CSMD1: variants seen among roughly 807,000 people sequenced by gnomAD.
CSMD1 encodes CUB and Sushi multiple domains 1.
Under a neutral mutation model 417.5 loss-of-function variants are expected in CSMD1, and 213 were observed. The ratio of observed to expected loss-of-function variants is 0.51; its 90% CI spans 0.46 to 0.57. The LOEUF is 0.57. Ranked by LOEUF, CSMD1 falls within the 20% of genes least tolerant of loss-of-function variation. The pLI is 0.00. For synonymous variants in CSMD1, 2,862 were observed against 1,736.8 expected (o/e 1.65, Z -16.11); for missense variants, 6,923 against 4,529.7 (o/e 1.53, Z -15.17).
chr8:4,494,839 G>C (rs1585163925), intron 2 of CSMD1, among the ~76,000 whole-genome samples: 3 of 152,228 alleles, frequency 2.0e-5, no homozygotes, highest in Middle Eastern at 3.4e-3. Flanking sequence ...AGAAAATAGA[G>C]TCAGGGTAGG....
At chr8:4,247,107 C>T (rs548668088) in intron 3 of CSMD1, among the ~76,000 whole-genome samples, 121 of 152,242 alleles carry the variant, frequency 7.9e-4, no homozygotes, top group African/African-American at 2.8e-3. Flanking sequence ...GTGAAGAAAA[C>T]GCCAATAAAA....
chr8:4,955,095 C>T (rs2117302647), intron 1 of CSMD1, among the ~76,000 whole-genome samples: 1 of 152,268 alleles, frequency 6.6e-6, no homozygotes, highest in Non-Finnish European at 1.5e-5. Flanking sequence ...ATCGCTTCAG[C>T]ATCACAGAAA....
intron 1 of CSMD1, among the ~76,000 whole-genome samples, chr8:4,654,061 G>C (rs1181193612): frequency 6.6e-6 from 1 of 152,038 alleles, no homozygotes; most frequent in African/African-American, 2.4e-5. Flanking sequence ...ACTTCTCAAA[G>C]CCCCATAATG....
chr8:3,405,812 G>T (rs1016871967), intron 15 of CSMD1, among the ~76,000 whole-genome samples: 1 of 152,176 alleles, frequency 6.6e-6, no homozygotes, highest in Non-Finnish European at 1.5e-5. Flanking sequence ...CTCCCTCAGA[G>T]TTCCAGAAGG....
rs558468851 is a variant in CSMD1 at position 4,046,623 on chromosome 8, T to A, written c.416-14524A>T. On this transcript the variant is annotated intron_variant, in intron 3 of 69. Transcript: ENST00000635120. ...CTGTTGATTGTTGAGTCTTGATAAT[T>A]CCATCATAACAAACAACAAGTGTGC... Among the ~76,000 whole-genome samples the A allele has an allele frequency of 2.6e-5, 4 of 152,020 alleles. No individual in the cohort carries two copies. The South Asian group carries it at 6.2e-4, about 24-fold the overall frequency.
chr8:4,208,753 G>C (rs1421573141), intron 3 of CSMD1, among the ~76,000 whole-genome samples: 2 of 152,172 alleles, frequency 1.3e-5, no homozygotes, highest in African/African-American at 2.4e-5. Flanking sequence ...AGAATATATT[G>C]TCGTGGAAAT....
chr8:4,460,012 C>T (rs956935524), intron 2 of CSMD1, among the ~76,000 whole-genome samples: 2 of 152,102 alleles, frequency 1.3e-5, no homozygotes. Context: ...TACTATAAAC[C>T]AACTGGAATG....
intron 1 of CSMD1, among the ~76,000 whole-genome samples, chr8:4,776,648 G>T (rs566058194): frequency 2.0e-5 from 3 of 152,154 alleles, no homozygotes; most frequent in Non-Finnish European, 2.9e-5. Context: ...TAGGGGGGTT[G>T]TGAACTGACA....
At chr8:4,753,798 T>A (rs894582508) in intron 1 of CSMD1, among the ~76,000 whole-genome samples, 1 of 152,212 alleles carries the variant, frequency 6.6e-6, no homozygotes, top group African/African-American at 2.4e-5. Context: ...TGCCTCCTCC[T>A]TTACTCCATC....
intron 5 of CSMD1, among the ~76,000 whole-genome samples, chr8:3,801,490 T>C (rs148625511): frequency 1.8e-4 from 27 of 152,294 alleles, no homozygotes; most frequent in African/African-American, 6.3e-4. Context: ...GGCAAGGATG[T>C]AGAGAATTGG....
At chr8:3,468,534 A>C (rs1387453567) in intron 12 of CSMD1, among the ~76,000 whole-genome samples, 178 bp downstream of exon 12, 1 of 152,170 alleles carries the variant, frequency 6.6e-6, no homozygotes, top group African/African-American at 2.4e-5. Context: ...TTCAGAAGTT[A>C]AACATTCTCA....
At chr8:4,911,620 T>C (rs113248135) in intron 1 of CSMD1, among the ~76,000 whole-genome samples, 1 of 152,228 alleles carries the variant, frequency 6.6e-6, no homozygotes, top group Admixed American at 6.5e-5. Flanking sequence ...TTTAACTTCC[T>C]GTGAGGAAAT....
At chr8:4,736,486 G>T (rs1810243800) in intron 1 of CSMD1, among the ~76,000 whole-genome samples, 2 of 152,080 alleles carry the variant, frequency 1.3e-5, no homozygotes, top group Admixed American at 1.3e-4. Flanking sequence ...AAAAACTAAA[G>T]AAGTCAGAAC....
intron 3 of CSMD1, among the ~76,000 whole-genome samples, chr8:4,128,020 C>T (rs750062537): frequency 3.9e-5 from 6 of 152,184 alleles, no homozygotes; most frequent in Non-Finnish European, 7.3e-5. Flanking sequence ...GCAAGTACCA[C>T]ATTTTATATT....
rs963085651 is a variant in CSMD1, at chr8:4,373,496, T to A, written c.415+46457A>T. On this transcript the variant is annotated intron_variant, in intron 3 of 69. Coordinates refer to ENST00000635120, the MANE Select transcript of CSMD1 (RefSeq NM_033225.6). ...AAATCTAAAACTGTCCTAAAAAAGT[T>A]TATTTAGCAAAAAACTTTCAGAACT... Among the ~76,000 whole-genome samples the A allele has an allele frequency of 2.0e-4, 31 of 152,326 alleles. 1 individual carries two copies. Among genetic ancestry groups the A allele is most frequent in the Admixed American group, 1.7e-3 (26 of 15,302 alleles).
intron 1 of CSMD1, among the ~76,000 whole-genome samples, chr8:4,672,380 G>C (rs1805385526): frequency 2.0e-5 from 3 of 152,142 alleles, no homozygotes. Flanking sequence ...GAGACTTAGA[G>C]CCTGTTCACA....
At chr8:4,138,374 C>T (rs540963254) in intron 3 of CSMD1, among the ~76,000 whole-genome samples, 1 of 151,988 alleles carries the variant, frequency 6.6e-6, no homozygotes, top group East Asian at 1.9e-4. Flanking sequence ...TGTTCTGATA[C>T]CTGCTCTGGC....
chr8:3,232,690 T>A (rs1798910648), intron 26 of CSMD1, among the ~76,000 whole-genome samples: 2 of 152,168 alleles, frequency 1.3e-5, no homozygotes. Flanking sequence ...TAGTTTAGTC[T>A]CCTTATGTGC....
intron 5 of CSMD1, among the ~76,000 whole-genome samples, chr8:3,800,720 T>C (rs1800408352): frequency 6.6e-6 from 1 of 152,112 alleles, no homozygotes; most frequent in Admixed American, 6.6e-5. Context: ...GTAAGAACAG[T>C]TCTTGAAGGA....
Sources: allele counts gnomAD v4.1 joint callset (sites outside exome capture counted in the v4.1 genomes callset), GRCh38; gene constraint gnomAD v4.1.1; transcripts MANE v1.5; gene names NCBI Gene and HGNC (gene_info 2026-07-23, HGNC 2026-07-21).